Variants in CDH18 observed in about 807,000 individuals in gnomAD.
CDH18 encodes cadherin-18.
In CDH18, 31 loss-of-function variants were observed where a neutral mutation model predicts 67.9. The ratio of observed to expected loss-of-function variants is 0.46; its 90% confidence interval spans 0.34 to 0.62. CDH18 has a LOEUF of 0.62. Ranked by LOEUF, CDH18 falls within the 20% of genes least tolerant of loss-of-function variation. The probability of loss-of-function intolerance (pLI) is 0.01; values close to 1 mark genes in which losing one functional copy is unlikely to be tolerated. For synonymous variants in CDH18, 362 were observed against 347.2 expected (o/e 1.04, Z -0.48); for missense variants, 890 against 975.5 (o/e 0.91, Z 1.17).
intron 2 of CDH18, among the ~76,000 whole-genome samples, chr5:19,864,308 C>T (rs1785225442): frequency 6.9e-6 from 1 of 145,926 alleles, no homozygotes; most frequent in African/African-American, 2.6e-5. Context: ...TGTTCTCACT[C>T]ATAGGTGGGA....
At chr5:20,264,064 C>T (rs537263695) in intron 1 of CDH18, among the ~76,000 whole-genome samples, 61 of 152,088 alleles carry the variant, frequency 4.0e-4, no homozygotes, top group Non-Finnish European at 7.1e-4. Context: ...ACAATGTAAA[C>T]GTGCCTCAAA....
chr5:20,370,911 T>G (rs1039583926), intron 1 of CDH18, among the ~76,000 whole-genome samples: 1 of 151,798 alleles, frequency 6.6e-6, no homozygotes, highest in Non-Finnish European at 1.5e-5. Flanking sequence ...GTGGCAGGCA[T>G]CTGTAATCCC....
Position 19,472,210 on chromosome 5 carries a change from T to C in CDH18, c.*1016A>G, listed in dbSNP as rs1210851043. 2.0e-5 allele frequency among the ~76,000 whole-genome samples: 3 copies of C among 152,146 alleles called. No individual in the cohort carries two copies. In the East Asian group the frequency reaches 5.8e-4, roughly 29 times the overall value. On this transcript the variant is annotated 3_prime_UTR_variant, in exon 13 of 13. Transcript: ENST00000382275. ...TGGAGGATAGTCTTTCAGACTACAT[T>C]GTTATTGTGTGAGGTACTTATTTTT...
intron 3 of CDH18, among the ~76,000 whole-genome samples, chr5:19,747,771 A>C (rs1287063709): frequency 6.6e-6 from 1 of 151,868 alleles, no homozygotes; most frequent in Non-Finnish European, 1.5e-5. Context: ...AAAAAAATGA[A>C]ATCACCTCTA....
intron 2 of CDH18, among the ~76,000 whole-genome samples, chr5:20,198,489 AT>A (rs1328839855): frequency 6.6e-6 from 1 of 152,184 alleles, no homozygotes; most frequent in African/African-American, 2.4e-5. Flanking sequence ...AAGAGAGATG[AT>A]TTAGGGTATC....
At chr5:19,734,262 G>T (rs141271223) in intron 4 of CDH18, among the ~76,000 whole-genome samples, 14 of 152,296 alleles carry the variant, frequency 9.2e-5, no homozygotes, top group African/African-American at 3.4e-4. Context: ...CAATTGGAAT[G>T]CTACCTCTTA....
At chr5:20,562,407 C>A (rs1167919815) in intron 1 of CDH18, among the ~76,000 whole-genome samples, 1 of 151,466 alleles carries the variant, frequency 6.6e-6, no homozygotes, top group Non-Finnish European at 1.5e-5. Context: ...ACCTTATGTA[C>A]CTATGTTACT....
chr5:20,131,140 C>T (rs1370133418), intron 2 of CDH18, among the ~76,000 whole-genome samples: 3 of 152,006 alleles, frequency 2.0e-5, no homozygotes, highest in Non-Finnish European at 4.4e-5. Context: ...AAAGTCTCTA[C>T]TTTCTTTTTA....
At chr5:20,343,879 T>C (rs532777727) in intron 1 of CDH18, among the ~76,000 whole-genome samples, 17 of 152,162 alleles carry the variant, frequency 1.1e-4, no homozygotes, top group Admixed American at 3.3e-4. Flanking sequence ...GTGGCAGTAA[T>C]ACATTGCAAA....
At chr5:19,510,366 A>G (rs1261448215) in intron 10 of CDH18, among the ~76,000 whole-genome samples, 1 of 152,154 alleles carries the variant, frequency 6.6e-6, no homozygotes, top group Non-Finnish European at 1.5e-5. Flanking sequence ...GGATGCCACA[A>G]GCTACACTTA....
rs551853814 is a variant in CDH18 at position 19,857,297 on chromosome 5, A to G, written c.-256-18055T>C. On this transcript the variant is annotated intron_variant, in intron 2 of 12. Coordinates refer to ENST00000382275, the MANE Select transcript of CDH18 (RefSeq NM_004934.5). ...GCAATGATTTCTGTCACTAGTCACA[A>G]CTGGAAAGCATACAATTTAAACAGT... is the stretch of plus-strand genomic sequence containing the variant. Among the ~76,000 whole-genome samples, 4 of 152,220 alleles carry G rather than the reference A, an allele frequency of 2.6e-5. No homozygotes were observed. The South Asian group carries it at 8.3e-4, about 32-fold the overall frequency.
At chr5:19,514,884 C>A (rs1337395296) in intron 10 of CDH18, among the ~76,000 whole-genome samples, 1 of 152,138 alleles carries the variant, frequency 6.6e-6, no homozygotes, top group Admixed American at 6.5e-5. Flanking sequence ...GCTTTTGTTG[C>A]CATTGCTTTT....
chr5:20,194,802 T>G (rs1299290252), intron 2 of CDH18, among the ~76,000 whole-genome samples: 1 of 152,018 alleles, frequency 6.6e-6, no homozygotes, highest in Non-Finnish European at 1.5e-5. Context: ...CCTCCCTCGT[T>G]ACCCTTACCT....
chr5:20,115,391 G>C (rs570550936), intron 2 of CDH18, among the ~76,000 whole-genome samples: 102 of 141,376 alleles, frequency 7.2e-4, no homozygotes, highest in African/African-American at 2.6e-3. Flanking sequence ...CAATTCTCCT[G>C]CCTCAGCCTC....
chr5:20,459,505 T>C (rs1381812189), intron 1 of CDH18, among the ~76,000 whole-genome samples: 6 of 152,168 alleles, frequency 3.9e-5, no homozygotes, highest in East Asian at 3.9e-4. Flanking sequence ...TACATGTTTC[T>C]TGAGCGGAAG....
At chr5:19,636,293 A>G (rs929736147) in intron 5 of CDH18, among the ~76,000 whole-genome samples, 8 of 152,042 alleles carry the variant, frequency 5.3e-5, no homozygotes, top group Admixed American at 6.6e-5. Context: ...GATATATGCA[A>G]AGTGGTATGG....
rs1554085603 is a variant in CDH18 at position 20,062,158 on chromosome 5, T to TATTATTATTATTATC, written c.-517-70145_-517-70144insGATAATAATAATAAT. Among the ~76,000 whole-genome samples the TATTATTATTATTATC allele has an allele frequency of 2.7e-5, 4 of 147,456 alleles. No homozygotes were observed. The South Asian group carries it at 8.5e-4, about 31-fold the overall frequency. On this transcript the variant is annotated intron_variant, in intron 2 of 14. Transcript: ENST00000507958. ...AGCCCAGAATTATTATTATTATTATTATTATTATTATTATTATTGAGACAG... is the reference window on the plus strand; with the variant it reads ...AGCCCAGAATTATTATTATTATTATTATTATTATTATTATCATTATTATTATTATTATTGAGACAG...
chr5:20,422,510 T>C (rs1237312378), intron 1 of CDH18, among the ~76,000 whole-genome samples: 1 of 151,070 alleles, frequency 6.6e-6, no homozygotes, highest in Admixed American at 6.6e-5. Flanking sequence ...ATAAATGTGT[T>C]GTTTTCTGTG....
chr5:19,798,788 T>A (rs1401764634), intron 3 of CDH18, among the ~76,000 whole-genome samples: 2 of 152,100 alleles, frequency 1.3e-5, no homozygotes, highest in Non-Finnish European at 2.9e-5. Flanking sequence ...AATATATTAC[T>A]GGATTTTTAG....
Sources: allele counts gnomAD v4.1 joint callset (sites outside exome capture counted in the v4.1 genomes callset), GRCh38; gene constraint gnomAD v4.1.1; transcripts MANE v1.5; gene names NCBI Gene and HGNC (gene_info 2026-07-23, HGNC 2026-07-21).